KIF1A: variants seen among roughly 807,000 people sequenced by gnomAD.
KIF1A encodes the protein kinesin family member 1A.
Under a neutral mutation model 227.3 loss-of-function variants are expected in KIF1A, and 46 were observed. That is an observed-to-expected ratio of 0.20 (90% CI 0.16 to 0.26). The LOEUF (loss-of-function observed/expected upper bound fraction) is 0.26, where lower values mean the gene tolerates loss of function less well. Ranked by LOEUF, KIF1A falls within the 10% of genes least tolerant of loss-of-function variation. KIF1A has a pLI of 1.00. For missense variants in KIF1A, 1,683 were observed against 2,485.9 expected (o/e 0.68, Z 6.87); for synonymous variants, 1,022 against 1,012.8 (o/e 1.01, Z -0.17).
At chr2:240,728,241 CAT>C (rs2046249841) in intron 38 of KIF1A, 2 of 462,896 alleles carry the variant, frequency 4.3e-6, no homozygotes, top group Admixed American at 4.8e-5. Context: ...CTGTCGGACA[CAT>C]GTCACCGAGG....
Position 240,793,025 on chromosome 2 carries a change from A to G in KIF1A, c.107-3713T>C, listed in dbSNP as rs1029234303. 8.1e-4 allele frequency among the ~76,000 whole-genome samples: 119 copies of G among 147,396 alleles called. 1 individual carries two copies. Among genetic ancestry groups the G allele is most frequent in the African/African-American group, 3.1e-3 (116 of 37,630 alleles). ...GACCTCCGAGTCTGGCCTCCAGAAC[A>G]GGGGGGGGACATTTCTGTCATTTGA... On this transcript the variant is annotated intron_variant, in intron 2 of 48. Transcript: ENST00000498729. This position sits in a 1 kb window ranked among gnomAD's most constrained non-coding sequence, Gnocchi z 4.8.
chr2:240,782,962 G>A lies in KIF1A; in HGVS notation c.864+82C>T, dbSNP rs111262486. On this transcript the variant is annotated intron_variant, in intron 9 of 48. Transcript: ENST00000498729. ...TGGCCACCTCCCAGACACAGGGCCC[G>A]GAAACGAGGGTGACAGGGGCAGGAT... is the stretch of plus-strand genomic sequence containing the variant. The A allele has an allele frequency of 8.1e-4, 946 of 1,174,702 alleles. 9 individuals carry two copies. In the African/African-American group the frequency reaches 0.012, roughly 15 times the overall value. The allele number at this position is 1,174,702 out of a possible 1,614,324, so 72.8% of individuals were successfully genotyped here. A position where few individuals can be genotyped will look rare whatever the true frequency, so the allele number is the denominator to read the frequency against.
intron 1 of KIF1A, among the ~76,000 whole-genome samples, chr2:240,812,956 AG>A (rs2058038048): frequency 8.3e-5 from 5 of 60,286 alleles, no homozygotes; most frequent in Admixed American, 1.6e-4. Flanking sequence ...CTTCACCTCA[AG>A]GATCCACCTT....
At chr2:240,819,950 G>C (rs985771140) in intron 1 of KIF1A, among the ~76,000 whole-genome samples, 172 bp downstream of exon 1, 4 of 152,102 alleles carry the variant, frequency 2.6e-5, no homozygotes, top group African/African-American at 9.7e-5. Context: ...GGAAGGTCTG[G>C]AAGTGAAGGG....
intron 27 of KIF1A, among the ~76,000 whole-genome samples, chr2:240,751,410 A>C (rs1481321357): frequency 6.6e-6 from 1 of 152,148 alleles, no homozygotes; most frequent in East Asian, 1.9e-4. Context: ...CAGAGCAGAT[A>C]CTGATGAGGG....
chr2:240,746,301 C>A, intron 29 of KIF1A, 124 bp from the exon 30 acceptor site: 1 of 1,167,966 alleles, frequency 8.6e-7, no homozygotes, highest in Non-Finnish European at 1.2e-6. Context: ...CCTCCATGAA[C>A]CCACGCACCA....
Position 240,740,098 on chromosome 2 carries a change from G to A in KIF1A, c.3861C>T (p.Gly1287=). Residue 1287 remains glycine, a synonymous_variant, in exon 37 of 49, where the codon GGC becomes GGT. Transcript: ENST00000498729. The surrounding 1 kb of genome is among the most constrained non-coding windows in gnomAD (Gnocchi z 6.1). Reference sequence around the variant, plus strand: ...GCACTTCCTTCCAGCGGATATGGCTGCCTGTCTCATGCAGTAGTGTCACCG... The same window carrying A: ...GCACTTCCTTCCAGCGGATATGGCTACCTGTCTCATGCAGTAGTGTCACCG... ...RITVTLLHET[G]SHIRWKEVRE... 1 of 1,590,434 alleles carries A rather than the reference G, an allele frequency of 6.3e-7. No individual in the cohort carries two copies. The highest frequency in any genetic ancestry group is 8.6e-7 in the Non-Finnish European group (1 of 1,169,032).
At chr2:240,767,098 C>T (rs897020940) in intron 18 of KIF1A, 77 bp from the exon 19 acceptor site, 61 of 1,252,302 alleles carry the variant, frequency 4.9e-5, no homozygotes, top group East Asian at 2.5e-4. Context: ...CCTCCAGGGA[C>T]GCCCAACCAG....
chr2:240,791,040 C>T lies in KIF1A; in HGVS notation c.107-1728G>A, dbSNP rs1421150634. ...CCAGTTTCAGGTCCCACCTGCGCCC[C>T]CATCCCAGGCCTGAGGATTTCTGGG... On this transcript the variant is annotated intron_variant, in intron 2 of 48. Coordinates refer to ENST00000498729, the MANE Select transcript of KIF1A (RefSeq NM_001244008.2). 2.0e-5 allele frequency among the ~76,000 whole-genome samples: 3 copies of T among 152,156 alleles called. No homozygotes were observed. In the South Asian group the frequency reaches 6.2e-4, roughly 32 times the overall value.
In KIF1A at chr2:240,792,643, G is replaced by T. The variant is rs564463211; in HGVS notation, c.107-3331C>A. ...GCCTTGAGCACCAGGTGTGAGGGCC[G>T]AGCTGAGCTGGCTCTTCCCAACGGA... On this transcript the variant is annotated intron_variant, in intron 2 of 48. Transcript: ENST00000498729. This position sits in a 1 kb window ranked among gnomAD's most constrained non-coding sequence, Gnocchi z 4.5. Among the ~76,000 whole-genome samples, 1 of 152,172 alleles carries T rather than the reference G, an allele frequency of 6.6e-6. No homozygotes were observed. Among genetic ancestry groups the T allele is most frequent in the Non-Finnish European group, 1.5e-5 (1 of 68,024 alleles).
In KIF1A at chr2:240,811,530, C is replaced by A. The variant is rs1406802016; in HGVS notation, c.-61+8592G>T. 2.6e-5 allele frequency among the ~76,000 whole-genome samples: 4 copies of A among 151,036 alleles called. No homozygotes were observed. The South Asian group carries it at 8.5e-4, about 32-fold the overall frequency. On this transcript the variant is annotated intron_variant, in intron 1 of 48. Coordinates refer to ENST00000498729, the MANE Select transcript of KIF1A (RefSeq NM_001244008.2). ...GATGGGGGTCTGACACAGCTGAACC[C>A]CTGAGAAGGCGGGGGGTTGCGGTCC...
intron 44 of KIF1A, among the ~76,000 whole-genome samples, chr2:240,721,338 C>T (rs1219438911): frequency 1.3e-5 from 2 of 152,226 alleles, no homozygotes; most frequent in Non-Finnish European, 2.9e-5. Flanking sequence ...CCCATGCCAG[C>T]GTGAGGTGGC....
chr2:240,788,031 GCCCGCCC>G lies in KIF1A; in HGVS notation c.363+13_363+19del. The G allele has an allele frequency of 3.0e-6, 2 of 664,394 alleles. No homozygotes were observed. The highest frequency in any genetic ancestry group is 4.4e-6 in the Non-Finnish European group (2 of 452,916). 41.2% of individuals were successfully genotyped at this position (664,394 alleles called of 1,614,324 possible). ...CGCCCCATCTGCCAGGGCTGCCCCC[GCCCGCCC>G]CCCGCTTCGTGCCTGTGGGATGATG... is the stretch of plus-strand genomic sequence containing the variant. On this transcript the variant is annotated intron_variant, in intron 4 of 48. Coordinates refer to ENST00000498729, the MANE Select transcript of KIF1A (RefSeq NM_001244008.2). This position sits in a 1 kb window ranked among gnomAD's most constrained non-coding sequence, Gnocchi z 6.6.
At position 240,739,871 on chromosome 2, in the gene KIF1A, GTC is replaced by G. The variant is rs2047750497; in HGVS notation, c.3901+185_3901+186del. On this transcript the variant is annotated intron_variant, in intron 37 of 48. Transcript: ENST00000498729. This position sits in a 1 kb window ranked among gnomAD's most constrained non-coding sequence, Gnocchi z 5.6. ...CTGATTAAACAGAAATTTGCAGATCGTCACCCAGGTCCAAGGCTCTCCTTTTC... is the reference window on the plus strand; with the variant it reads ...CTGATTAAACAGAAATTTGCAGATCGACCCAGGTCCAAGGCTCTCCTTTTC... 6.6e-6 allele frequency among the ~76,000 whole-genome samples: 1 copy of G among 152,082 alleles called. No homozygotes were observed. The highest frequency in any genetic ancestry group is 2.4e-5 in the African/African-American group (1 of 41,390).
chr2:240,744,706 G>C (rs1213168781), intron 32 of KIF1A, among the ~76,000 whole-genome samples: 4 of 152,134 alleles, frequency 2.6e-5, no homozygotes, highest in Non-Finnish European at 5.9e-5. Context: ...CCCTCATCCC[G>C]GGCTTCCAGC....
chr2:240,768,759 G>A (rs2051534456), intron 17 of KIF1A, among the ~76,000 whole-genome samples: 1 of 152,198 alleles, frequency 6.6e-6, no homozygotes, highest in African/African-American at 2.4e-5. Flanking sequence ...TTCCAAGAAG[G>A]CAGCTGGCAC....
chr2:240,747,852 G>A (rs1034725126), intron 28 of KIF1A, among the ~76,000 whole-genome samples: 4 of 152,254 alleles, frequency 2.6e-5, no homozygotes, highest in Admixed American at 6.5e-5. Flanking sequence ...TGGACCTGCT[G>A]CCTAAAGCCC....
rs1396130316 is a variant in KIF1A, at chr2:240,741,250, C to A, written c.3749+19G>T. 6.5e-7 allele frequency: 1 copy of A among 1,547,862 alleles called. No individual in the cohort carries two copies. The highest frequency in any genetic ancestry group is 1.2e-5 in the South Asian group (1 of 85,138). ...CCGACACACACTCACGCCCTGGGGG[C>A]CCCAGCACCAGCACTCACTCGCCGT... On this transcript the variant is annotated intron_variant, in intron 35 of 48. Transcript: ENST00000498729.
chr2:240,787,345 G>A, intron 4 of KIF1A, 29 bp from the exon 5 acceptor site: 3 of 1,600,044 alleles, frequency 1.9e-6, no homozygotes, highest in Non-Finnish European at 2.6e-6. Flanking sequence ...AGTCAGCCAG[G>A]GAGGGCTGGG....
Sources: allele counts gnomAD v4.1 joint callset (sites outside exome capture counted in the v4.1 genomes callset), GRCh38; gene constraint gnomAD v4.1.1; non-coding constraint Gnocchi (gnomAD v3.1); transcripts MANE v1.5; gene names NCBI Gene and HGNC (gene_info 2026-07-23, HGNC 2026-07-21).